Variants in CFHR4 observed in about 807,000 individuals in gnomAD.
CFHR4 encodes complement factor H related 4.
Under a neutral mutation model 69.3 loss-of-function variants are expected in CFHR4, and 64 were observed. That is an observed-to-expected ratio of 0.92 (90% CI 0.76 to 1.14). The LOEUF is 1.14. Among genes scored for constraint, CFHR4 ranks in the 50% most tolerant of loss-of-function variants. The probability of loss-of-function intolerance (pLI) is 0.00; values close to 1 mark genes in which losing one functional copy is unlikely to be tolerated. For missense variants in CFHR4, 636 were observed against 684.9 expected (o/e 0.93, Z 0.80); for synonymous variants, 244 against 237.0 (o/e 1.03, Z -0.27).
intron 5 of CFHR4, among the ~76,000 whole-genome samples, chr1:196,909,743 G>C (rs564309612): frequency 6.6e-6 from 1 of 151,212 alleles, no homozygotes; most frequent in Admixed American, 6.6e-5. Context: ...CTAGCGTATG[G>C]GTTGATAGGT....
rs540497237 is a variant in CFHR4 at position 196,905,330 on chromosome 1, T to G, written c.439+40T>G. Reference sequence around the variant, plus strand: ...TATTCCCACTCAGTTTCTGTCAACTTCTTTCCTCTCTTTGAGGTGATAGTG... The same window carrying G: ...TATTCCCACTCAGTTTCTGTCAACTGCTTTCCTCTCTTTGAGGTGATAGTG... On this transcript the variant is annotated intron_variant, in intron 3 of 9. Coordinates refer to ENST00000608469, the MANE Select transcript of CFHR4 (RefSeq NM_001201550.3). 11 of 1,606,026 alleles carry G rather than the reference T, an allele frequency of 6.8e-6. No homozygotes were observed. In the South Asian group the frequency reaches 1.2e-4, roughly 18 times the overall value.
chr1:196,895,162 A>T (rs758653976), intron 1 of CFHR4, among the ~76,000 whole-genome samples: 2 of 151,450 alleles, frequency 1.3e-5, no homozygotes, highest in African/African-American at 2.4e-5. Flanking sequence ...TAGACTAGGA[A>T]TTTGAGATTG....
chr1:196,913,275 G>T (rs576187074), intron 7 of CFHR4, among the ~76,000 whole-genome samples: 1 of 151,616 alleles, frequency 6.6e-6, no homozygotes, highest in African/African-American at 2.4e-5. Context: ...TCAACTGCTT[G>T]TATTGCATTC....
intron 1 of CFHR4, among the ~76,000 whole-genome samples, chr1:196,897,663 C>A (rs1285909592): frequency 2.0e-5 from 3 of 151,442 alleles, no homozygotes; most frequent in African/African-American, 4.9e-5. Flanking sequence ...TAGCGGAACT[C>A]ATTTCCCTCG....
At chr1:196,891,872 A>G (rs112488423) in intron 1 of CFHR4, among the ~76,000 whole-genome samples, 1,757 of 151,398 alleles carry the variant, frequency 0.012, 47 homozygotes, top group Non-Finnish European at 0.016. Flanking sequence ...TTTTATATCA[A>G]TAATATGTCT....
In CFHR4 at chr1:196,918,319, T is replaced by A; in HGVS notation, c.1650T>A (p.Cys550Ter). 1 of 1,611,636 alleles carries A rather than the reference T, an allele frequency of 6.2e-7. No homozygotes were observed. The highest frequency in any genetic ancestry group is 8.5e-7 in the Non-Finnish European group (1 of 1,178,746). Reference sequence around the variant, plus strand: ...CAGGGGATACCATTGAATTTATGTGTAAATTGGGATATAATGCGAATACAT... The same window carrying A: ...CAGGGGATACCATTGAATTTATGTGAAAATTGGGATATAATGCGAATACAT... Reference protein sequence around the residue: ...AKTGDTIEFMCKLGYNANTSV... With the variant: ...AKTGDTIEFM Residue 550 changes from cysteine (C) to a stop codon, truncating the protein, a stop_gained, in exon 10 of 10, where the codon TGT (cysteine) becomes TGA (stop). Coordinates refer to ENST00000608469, the MANE Select transcript of CFHR4 (RefSeq NM_001201550.3). LOFTEE classifies it low-confidence loss of function (END_TRUNC).
rs144728447 is a variant in CFHR4 at position 196,916,430 on chromosome 1, A to G, written c.1540+1292A>G. Among the ~76,000 whole-genome samples the G allele has an allele frequency of 5.7e-3, 865 of 151,934 alleles. 29 individuals carry two copies. The highest frequency in any genetic ancestry group is 0.02 in the African/African-American group (834 of 41,394). ...GCCGTTCTTTTCTGTGATGTGACTC[A>G]TTTCCTTTATTTTGATGCTATGCTA... On this transcript the variant is annotated intron_variant, in intron 9 of 9. Coordinates refer to ENST00000608469, the MANE Select transcript of CFHR4 (RefSeq NM_001201550.3).
chr1:196,899,147 T>A (rs1185045019), intron 1 of CFHR4, among the ~76,000 whole-genome samples: 1 of 128,076 alleles, frequency 7.8e-6, no homozygotes, highest in Non-Finnish European at 1.9e-5. Flanking sequence ...GTCTCTCACG[T>A]CAATAGGGTG....
At chr1:196,898,455 T>C (rs1657424738) in intron 1 of CFHR4, among the ~76,000 whole-genome samples, 1 of 151,626 alleles carries the variant, frequency 6.6e-6, no homozygotes, top group Non-Finnish European at 1.5e-5. Flanking sequence ...TAATTCTAAG[T>C]AGAATTTAAA....
At chr1:196,888,351 T>C in intron 1 of CFHR4, 143 bp downstream of exon 1, 1 of 727,748 alleles carries the variant, frequency 1.4e-6, no homozygotes, top group Non-Finnish European at 2.2e-6. Context: ...TTTGTGAGAG[T>C]ATAACAGAAA....
intron 1 of CFHR4, among the ~76,000 whole-genome samples, chr1:196,894,119 C>T (rs780075165): frequency 6.6e-6 from 1 of 151,490 alleles, no homozygotes; most frequent in Admixed American, 6.6e-5. Flanking sequence ...TGCTCTATCC[C>T]CCCTTTTCCG....
At position 196,902,544 on chromosome 1, in the gene CFHR4, C is replaced by G. The variant is rs185240845; in HGVS notation, c.185C>G (p.Thr62Ser). The G allele has an allele frequency of 1.9e-6, 3 of 1,612,140 alleles. No homozygotes were observed. The Admixed American group carries it at 5.0e-5, about 27-fold the overall frequency. Residue 62 changes from threonine to serine, a missense_variant, in exon 2 of 10, where the codon ACT (threonine) becomes AGT (serine). Around this residue, in one of 3 missense-constraint regions of CFHR4, gnomAD observed 529 missense variants for 533.2 expected, o/e 0.99. Transcript: ENST00000608469. The part of the protein sequence containing the change: ...YSYYCDQNFV[T>S]PSGSYWDYIH... ...TATTACTGTGATCAAAATTTTGTGA[C>G]TCCTTCAGGAAGTTACTGGGATTAC... is the stretch of plus-strand genomic sequence containing the variant.
intron 1 of CFHR4, among the ~76,000 whole-genome samples, chr1:196,894,314 T>A (rs946605382): frequency 6.6e-6 from 1 of 151,610 alleles, no homozygotes; most frequent in Admixed American, 6.6e-5. Flanking sequence ...TTAAATCATA[T>A]AGAAAAACAA....
At chr1:196,909,066 T>C (rs1658091264) in intron 5 of CFHR4, among the ~76,000 whole-genome samples, 1 of 151,542 alleles carries the variant, frequency 6.6e-6, no homozygotes, top group South Asian at 2.1e-4. Context: ...ATCAAAATAG[T>C]TTACAAGTAT....
Position 196,906,894 on chromosome 1 carries a change from G to A in CFHR4, c.473G>A (p.Arg158Lys). ...GATATGCCTGTTTTTGAGAATTCCA[G>A]AGCCAAGAGTAATGGCATGTGGTTT... is the stretch of plus-strand genomic sequence containing the variant. ...FCDMPVFENS[R>K]AKSNGMWFKL... Residue 158 changes from arginine to lysine, a missense_variant, in exon 4 of 10, where the codon AGA (arginine) becomes AAA (lysine). Arg to Lys is a conservative substitution (Grantham distance 26). Around this residue, in one of 3 missense-constraint regions of CFHR4, gnomAD observed 529 missense variants for 533.2 expected, o/e 0.99. Transcript: ENST00000608469. The A allele has an allele frequency of 6.2e-7, 1 of 1,602,990 alleles. No individual in the cohort carries two copies. Among genetic ancestry groups the A allele is most frequent in the Non-Finnish European group, 8.5e-7 (1 of 1,176,924 alleles).
rs1246360223 is a variant in CFHR4 at position 196,902,578 on chromosome 1, C to A, written c.219C>A (p.Cys73Ter). 6.2e-7 allele frequency: 1 copy of A among 1,612,344 alleles called. No individual in the cohort carries two copies. The highest frequency in any genetic ancestry group is 8.5e-7 in the Non-Finnish European group (1 of 1,179,270). Reference protein sequence around the residue: ...PSGSYWDYIHCTQDGWSPTVP... With the variant: ...PSGSYWDYIH The stretch of plus-strand genomic sequence containing the variant: ...GAAGTTACTGGGATTACATTCATTG[C>A]ACACAAGATGGTTGGTCACCAACGG... The change falls in exon 2 of 10, where the codon TGC becomes TGA. Residue 73 changes from cysteine (C) to a stop codon, truncating the protein, a stop_gained. Transcript: ENST00000608469. LOFTEE classifies it high-confidence loss of function.
chr1:196,889,247 T>C (rs895730106), intron 1 of CFHR4, among the ~76,000 whole-genome samples: 2 of 151,484 alleles, frequency 1.3e-5, no homozygotes, highest in African/African-American at 2.4e-5. Flanking sequence ...ATCTATCACA[T>C]GATTCGCTAG....
At chr1:196,914,735 A>G (rs1188384566) in intron 8 of CFHR4, 64 bp downstream of exon 8, 24 of 1,432,724 alleles carry the variant, frequency 1.7e-5, no homozygotes, top group Admixed American at 2.4e-5. Context: ...CTACATATGT[A>G]TATGTACACA....
intron 1 of CFHR4, among the ~76,000 whole-genome samples, chr1:196,902,013 A>G (rs1657640281): frequency 6.6e-6 from 1 of 151,458 alleles, no homozygotes; most frequent in Non-Finnish European, 1.5e-5. Flanking sequence ...TCAATTTTTT[A>G]AAATCCTCAA....
Sources: gnomAD v4.1 joint callset for allele counts (sites outside exome capture counted in the v4.1 genomes callset) on GRCh38, gnomAD v4.1.1 for gene constraint, gnomAD v4.1.1 regional missense constraint, MANE v1.5 for transcripts, NCBI Gene and HGNC (gene_info 2026-07-23, HGNC 2026-07-21) for gene names.